The following SELENOW variants were observed in gnomAD, a reference collection of about 807,000 sequenced individuals.
SELENOW encodes selenoprotein W, 1.
A neutral mutation model predicts 16.6 loss-of-function variants in SELENOW; 20 were observed. The observed-to-expected ratio is 1.21, with a 90% confidence interval of 0.85 to 1.76. The LOEUF is 1.76. Among genes scored for constraint, SELENOW ranks in the 40% most tolerant of loss-of-function variants. The pLI, the probability that SELENOW is intolerant of heterozygous loss-of-function variation, is 0.00. For missense variants in SELENOW, 124 were observed against 111.0 expected (o/e 1.12, Z -0.53); for synonymous variants, 44 against 46.2 (o/e 0.95, Z 0.19).
chr19:47,780,769 G>T lies in SELENOW; in HGVS notation c.54+20G>T, dbSNP rs1163291972. 3 of 1,482,410 alleles carry T rather than the reference G, an allele frequency of 2.0e-6. 1 individual carries two copies. In the South Asian group the frequency reaches 3.6e-5, roughly 18 times the overall value. 91.8% of individuals were successfully genotyped at this position (1,482,410 alleles called of 1,614,324 possible). The stretch of plus-strand genomic sequence containing the variant: ...TCCAAGGTAAGCAGAGTGGATGCCC[G>T]GGGGGCATTCCTGGGAGCTGGGGAG... On this transcript the variant is annotated intron_variant, in intron 2 of 5. Transcript: ENST00000601048.
intron 2 of SELENOW, 24 bp downstream of exon 2, chr19:47,780,773 G>GT: frequency 6.3e-7 from 1 of 1,582,446 alleles, no homozygotes; most frequent in Non-Finnish European, 8.6e-7. Flanking sequence ...ATGCCCGGGG[G>GT]GCATTCCTGG....
At chr19:47,781,754 G>A (rs1045412132) in intron 5 of SELENOW, among the ~76,000 whole-genome samples, 2 of 151,188 alleles carry the variant, frequency 1.3e-5, no homozygotes, top group Non-Finnish European at 2.9e-5. Flanking sequence ...TGGGTCAGAG[G>A]TGTGCAGGAT....
Position 47,781,335 on chromosome 19 carries a change from G to C in SELENOW, c.229G>C (p.Val77Leu), listed in dbSNP as rs1967474311. Residue 77 changes from valine to leucine, a missense_variant, in exon 5 of 6, where the codon GTG becomes CTG. By Grantham distance (32) the Val-to-Leu change is conservative. Coordinates refer to ENST00000601048, the MANE Select transcript of SELENOW (RefSeq NM_003009.4). ...CACAGAAAGCAAGTTTCTGAAGTTG[G>C]TGGCCGCCATCAAAGCCGCCTTGGC... ...VDTESKFLKL[V>L]AAIKAALAQG The C allele has an allele frequency of 6.2e-7, 1 of 1,611,880 alleles. No individual in the cohort carries two copies. Among genetic ancestry groups the C allele is most frequent in the Non-Finnish European group, 8.5e-7 (1 of 1,178,944 alleles).
chr19:47,778,704 C>G lies in SELENOW; in HGVS notation c.-82C>G, dbSNP rs947813623. The G allele has an allele frequency of 1.3e-6, 2 of 1,487,408 alleles. No homozygotes were observed. The highest frequency in any genetic ancestry group is 2.8e-5 in the African/African-American group (2 of 70,472). 92.1% of individuals were successfully genotyped at this position (1,487,408 alleles called of 1,614,324 possible). ...CCTTTCTGCGCAGGTTCCCGCCGCACTCGCGCAGACCTAGCGCGTCCAGGT... is the reference window on the plus strand; with the variant it reads ...CCTTTCTGCGCAGGTTCCCGCCGCAGTCGCGCAGACCTAGCGCGTCCAGGT... On this transcript the variant is annotated 5_prime_UTR_variant, in exon 1 of 6. Transcript: ENST00000601048.
At chr19:47,783,252 G>C (rs1028461514) in intron 5 of SELENOW, 1 of 151,796 alleles carries the variant, frequency 6.6e-6, no homozygotes, top group Non-Finnish European at 1.5e-5. Context: ...CCAGGCTGGA[G>C]TGCAGTGGCG....
chr19:47,779,024 C>T (rs1281974461), intron 1 of SELENOW: 3 of 558,314 alleles, frequency 5.4e-6, no homozygotes, highest in African/African-American at 2.0e-5. Context: ...ACACGCTGGG[C>T]ATCTCGGGTT....
intron 5 of SELENOW, among the ~76,000 whole-genome samples, chr19:47,781,780 G>C (rs1056026918): frequency 1.3e-5 from 2 of 151,054 alleles, no homozygotes; most frequent in African/African-American, 2.4e-5. Context: ...CTGAGATGCT[G>C]ATGAGTCAGA....
intron 5 of SELENOW, 94 bp downstream of exon 5, chr19:47,781,482 TG>T: frequency 1.7e-5 from 12 of 724,450 alleles, no homozygotes; most frequent in South Asian, 3.2e-5. Flanking sequence ...GCCTGGGAGA[TG>T]GGGGGGACAT....
Position 47,781,278 on chromosome 19 carries a change from T to C in SELENOW, c.184-12T>C, listed in dbSNP as rs767085427. On this transcript the variant is annotated splice_polypyrimidine_tract_variant and intron_variant, in intron 4 of 5. Coordinates refer to ENST00000601048, the MANE Select transcript of SELENOW (RefSeq NM_003009.4). ...TCCCAGCTCACCCCTTCCCTCTTCC[T>C]CCCCTCCCTAGAAAGGCGATGGCTA... 6.2e-7 allele frequency: 1 copy of C among 1,611,912 alleles called. No individual in the cohort carries two copies. Among genetic ancestry groups the C allele is most frequent in the South Asian group, 1.1e-5 (1 of 91,038 alleles).
chr19:47,779,211 G>C (rs1460880561), intron 1 of SELENOW: 1 of 202,982 alleles, frequency 4.9e-6, no homozygotes, highest in African/African-American at 2.3e-5. Context: ...GAGCCCAGAA[G>C]GTTCGAGAAT....
At position 47,780,726 on chromosome 19, in the gene SELENOW, G is replaced by T; in HGVS notation, c.31G>T (p.Gly11Cys). Residue 11 changes from glycine (G) to cysteine (C), a missense_variant and splice_region_variant, in exon 2 of 6, where the codon GGC becomes TGC. Coordinates refer to ENST00000601048, the MANE Select transcript of SELENOW (RefSeq NM_003009.4). MALAVRVVYC[G>C]AUGYKSKYLQ... ...CAATGTCTTGGACTCTCCTACCAGT[G>T]GCGCTTGAGGCTACAAGTCCAAGGT... 6.4e-7 allele frequency: 1 copy of T among 1,560,406 alleles called. No individual in the cohort carries two copies. Among genetic ancestry groups the T allele is most frequent in the South Asian group, 1.2e-5 (1 of 84,820 alleles).
chr19:47,781,410 G>A (rs777848623), intron 5 of SELENOW, 22 bp downstream of exon 5: 1 of 1,290,224 alleles, frequency 7.8e-7, no homozygotes, highest in South Asian at 1.3e-5. Flanking sequence ...CACTAGACAG[G>A]GACACCACCC....
Position 47,778,834 on chromosome 19 carries a change from G to A in SELENOW, c.29+20G>A. 6.3e-7 allele frequency: 1 copy of A among 1,597,858 alleles called. No homozygotes were observed. The highest frequency in any genetic ancestry group is 8.5e-7 in the Non-Finnish European group (1 of 1,173,404). ...TTATTGGTAAGCCCAGCGGCCAGCG[G>A]CCCCCGTCCCCGACCCCCGCCGGGA... On this transcript the variant is annotated intron_variant, in intron 1 of 5. Transcript: ENST00000601048.
chr19:47,781,013 C>T, intron 3 of SELENOW, 95 bp from the exon 4 acceptor site: 1 of 1,548,450 alleles, frequency 6.5e-7, no homozygotes, highest in East Asian at 2.2e-5. Context: ...CAGCCCTACG[C>T]CCTTCACCCA....
intron 1 of SELENOW, chr19:47,779,666 G>C (rs919512016): frequency 3.9e-5 from 6 of 152,598 alleles, no homozygotes; most frequent in African/African-American, 1.4e-4. Context: ...AAAGTTAGCC[G>C]GGCATGGTGG....
rs770039353 is a variant in SELENOW, at chr19:47,778,762, C to T, written c.-24C>T. On this transcript the variant is annotated 5_prime_UTR_variant, in exon 1 of 6. Coordinates refer to ENST00000601048, the MANE Select transcript of SELENOW (RefSeq NM_003009.4). The stretch of plus-strand genomic sequence containing the variant: ...TAGTGTGGCCCGGGCGTCCGCTCCT[C>T]AGCGGATGTGGCAGCCCCGAGCCAT... The T allele has an allele frequency of 1.2e-6, 2 of 1,600,952 alleles. No individual in the cohort carries two copies. The highest frequency in any genetic ancestry group is 2.2e-5 in the South Asian group (2 of 88,916).
intron 1 of SELENOW, 58 bp from the exon 2 acceptor site, chr19:47,780,667 C>T (rs1344654468): frequency 3.4e-5 from 50 of 1,490,590 alleles, no homozygotes; most frequent in Non-Finnish European, 4.3e-5. Context: ...CTCCTCTCCC[C>T]GATCCCCCAC....
rs771232052 is a variant in SELENOW, at chr19:47,778,835, C to T, written c.29+21C>T. 6.3e-6 allele frequency: 10 copies of T among 1,598,392 alleles called. No individual in the cohort carries two copies. The African/African-American group carries it at 1.3e-4, about 21-fold the overall frequency. On this transcript the variant is annotated intron_variant, in intron 1 of 5. Transcript: ENST00000601048. ...TATTGGTAAGCCCAGCGGCCAGCGG[C>T]CCCCGTCCCCGACCCCCGCCGGGAC...
rs779962316 is a variant in SELENOW at position 47,780,095 on chromosome 19, T to C, written c.30-630T>C. Reference sequence around the variant, plus strand: ...TGAGCCTGTATTTCACCCTGGGGACTGGGAAGGTGTTCAGAATCTAGGAGC... The same window carrying C: ...TGAGCCTGTATTTCACCCTGGGGACCGGGAAGGTGTTCAGAATCTAGGAGC... On this transcript the variant is annotated intron_variant, in intron 1 of 5. Coordinates refer to ENST00000601048, the MANE Select transcript of SELENOW (RefSeq NM_003009.4). 75 of 455,758 alleles carry C rather than the reference T, an allele frequency of 1.6e-4. 1 individual carries two copies. The highest frequency in any genetic ancestry group is 2.0e-5 in the African/African-American group (1 of 49,994). 28.2% of individuals were successfully genotyped at this position (455,758 alleles called of 1,614,324 possible).
Sources: gnomAD v4.1 joint callset for allele counts (sites outside exome capture counted in the v4.1 genomes callset) on GRCh38, gnomAD v4.1.1 for gene constraint, MANE v1.5 for transcripts, NCBI Gene and HGNC (gene_info 2026-07-23, HGNC 2026-07-21) for gene names.